SDK1: variants seen among roughly 807,000 people sequenced by gnomAD.
The protein encoded by SDK1 is protein sidekick-1.
SDK1 carries 157 observed loss-of-function variants against 245.5 expected under a neutral mutation model. That is an observed-to-expected ratio of 0.64 (90% CI 0.56 to 0.73). The LOEUF (loss-of-function observed/expected upper bound fraction) is 0.73, where lower values mean the gene tolerates loss of function less well. SDK1 is among the 30% of genes least tolerant of loss of function. SDK1 has a pLI of 0.00. For synonymous variants in SDK1, 1,647 were observed against 1,278.5 expected (o/e 1.29, Z -6.15); for missense variants, 3,583 against 3,002.3 (o/e 1.19, Z -4.52).
At chr7:3,335,358 G>T (rs965562325) in intron 1 of SDK1, among the ~76,000 whole-genome samples, 2 of 150,882 alleles carry the variant, frequency 1.3e-5, no homozygotes, top group African/African-American at 2.4e-5. Flanking sequence ...TCTCCTGATT[G>T]TTCTCTATTT....
chr7:3,645,746 G>C (rs1304764737), intron 4 of SDK1, among the ~76,000 whole-genome samples: 1 of 152,190 alleles, frequency 6.6e-6, no homozygotes, highest in African/African-American at 2.4e-5. Flanking sequence ...GCACAAGTCA[G>C]ATGGCATCAT....
intron 19 of SDK1, among the ~76,000 whole-genome samples, chr7:4,066,688 G>T (rs1779923827): frequency 6.6e-6 from 1 of 152,216 alleles, no homozygotes; most frequent in Admixed American, 6.5e-5. Context: ...GATGGGACCT[G>T]CTATGGGAAC....
intron 17 of SDK1, among the ~76,000 whole-genome samples, chr7:4,030,149 C>T (rs1393794828): frequency 6.6e-6 from 1 of 152,212 alleles, no homozygotes; most frequent in South Asian, 2.1e-4. Context: ...CAGGAAAATT[C>T]AGGCCCCTCT....
chr7:3,754,180 G>A (rs926185352), intron 4 of SDK1, among the ~76,000 whole-genome samples: 1 of 152,212 alleles, frequency 6.6e-6, no homozygotes, highest in African/African-American at 2.4e-5. Flanking sequence ...GAATTTCTGA[G>A]AGATTCATAT....
chr7:3,381,782 C>T lies in SDK1; in HGVS notation c.298+79898C>T, dbSNP rs961441250. 5.9e-5 allele frequency among the ~76,000 whole-genome samples: 9 copies of T among 152,082 alleles called. No individual in the cohort carries two copies. In the South Asian group the frequency reaches 6.2e-4, roughly 11 times the overall value. ...CAGAAATTCTAGAGAGCATGAAATG[C>T]GGGTAATTGGGCTGCAATAAGAATC... On this transcript the variant is annotated intron_variant, in intron 1 of 44. Transcript: ENST00000404826.
At chr7:3,734,569 C>T (rs900140348) in intron 4 of SDK1, among the ~76,000 whole-genome samples, 2 of 152,244 alleles carry the variant, frequency 1.3e-5, no homozygotes, top group Admixed American at 6.5e-5. Flanking sequence ...GTTCAAGATA[C>T]TATCTAAGAT....
At chr7:4,033,834 C>T (rs28591614) in intron 17 of SDK1, among the ~76,000 whole-genome samples, 36,508 of 151,956 alleles carry the variant, frequency 0.24, 6,097 homozygotes, top group African/African-American at 0.48. Flanking sequence ...GGCATTGCTG[C>T]TAGGAATGCA....
chr7:3,785,308 T>C (rs931431945), intron 4 of SDK1, among the ~76,000 whole-genome samples: 3 of 152,220 alleles, frequency 2.0e-5, no homozygotes, highest in African/African-American at 7.2e-5. Flanking sequence ...TAATAGAGAA[T>C]TGTACACTTC....
chr7:3,852,058 C>T (rs1012171495), intron 5 of SDK1, among the ~76,000 whole-genome samples: 19 of 152,184 alleles, frequency 1.2e-4, no homozygotes, highest in Middle Eastern at 3.4e-3. Flanking sequence ...GATTGCTTGG[C>T]GCTGGAGGTC....
intron 1 of SDK1, among the ~76,000 whole-genome samples, chr7:3,348,863 T>A (rs1286248840): frequency 1.3e-5 from 2 of 152,296 alleles, no homozygotes; most frequent in East Asian, 3.9e-4. Context: ...TATTAACTAC[T>A]TAAGGTTTAT....
At chr7:3,677,003 G>C (rs1157950992) in intron 4 of SDK1, among the ~76,000 whole-genome samples, 1 of 152,054 alleles carries the variant, frequency 6.6e-6, no homozygotes, top group African/African-American at 2.4e-5. Context: ...TCTGTTCCCT[G>C]GACATACCAA....
At chr7:3,980,758 A>G (rs1783337574) in intron 13 of SDK1, among the ~76,000 whole-genome samples, 1 of 152,188 alleles carries the variant, frequency 6.6e-6, no homozygotes, top group Non-Finnish European at 1.5e-5. Flanking sequence ...CCTGGCCAAG[A>G]TGGCGAAACC....
In SDK1 at chr7:3,853,221, A is replaced by G. The variant is rs535783552; in HGVS notation, c.847+31638A>G. Among the ~76,000 whole-genome samples, 4 of 152,194 alleles carry G rather than the reference A, an allele frequency of 2.6e-5. No homozygotes were observed. In the South Asian group the frequency reaches 8.3e-4, roughly 32 times the overall value. On this transcript the variant is annotated intron_variant, in intron 5 of 44. Coordinates refer to ENST00000404826, the MANE Select transcript of SDK1 (RefSeq NM_152744.4). ...TGTACATTGACTTTCCATTGCAAAG[A>G]TGGAAAGTAACCTATTGCTCAGCCT...
chr7:3,694,693 A>T (rs949483386), intron 4 of SDK1, among the ~76,000 whole-genome samples: 2 of 152,158 alleles, frequency 1.3e-5, no homozygotes, highest in African/African-American at 4.8e-5. Flanking sequence ...GGAACATTTG[A>T]AAAACATCCG....
At chr7:3,422,680 A>C (rs1258138549) in intron 1 of SDK1, among the ~76,000 whole-genome samples, 1 of 152,156 alleles carries the variant, frequency 6.6e-6, no homozygotes, top group Admixed American at 6.6e-5. Flanking sequence ...GTTTATATGC[A>C]TATCTAATGA....
chr7:3,804,189 T>C lies in SDK1; in HGVS notation c.714-17261T>C, dbSNP rs564424803. 2.6e-5 allele frequency among the ~76,000 whole-genome samples: 4 copies of C among 152,354 alleles called. No homozygotes were observed. In the East Asian group the frequency reaches 7.7e-4, roughly 29 times the overall value. On this transcript the variant is annotated intron_variant, in intron 4 of 44. Transcript: ENST00000404826. ...TCATATCTAAGAACTCTGCAATTTC[T>C]CTGATATCTTCTCCTAAAAATTTTA... is the stretch of plus-strand genomic sequence containing the variant.
intron 1 of SDK1, among the ~76,000 whole-genome samples, chr7:3,508,149 A>C (rs906971327): frequency 5.9e-5 from 9 of 151,554 alleles, no homozygotes; most frequent in African/African-American, 2.2e-4. Flanking sequence ...TTGCCTTGTA[A>C]TCTCGTAATT....
At chr7:3,746,657 A>G (rs535763996) in intron 4 of SDK1, among the ~76,000 whole-genome samples, 17 of 152,228 alleles carry the variant, frequency 1.1e-4, no homozygotes, top group Admixed American at 4.6e-4. Flanking sequence ...TTGCTTATCC[A>G]TAAGAAATAC....
At chr7:3,833,746 G>T (rs762173023) in intron 5 of SDK1, among the ~76,000 whole-genome samples, 2 of 152,214 alleles carry the variant, frequency 1.3e-5, no homozygotes, top group African/African-American at 4.8e-5. Flanking sequence ...TGTATGAAGC[G>T]AATAGGCAGT....
Sources: allele counts gnomAD v4.1 joint callset (sites outside exome capture counted in the v4.1 genomes callset), GRCh38; gene constraint gnomAD v4.1.1; transcripts MANE v1.5; gene names NCBI Gene and HGNC (gene_info 2026-07-23, HGNC 2026-07-21).